Variants in IKZF1 observed in about 807,000 individuals in gnomAD.
IKZF1 encodes DNA-binding protein Ikaros.
Under a neutral mutation model 51.7 loss-of-function variants are expected in IKZF1, and 10 were observed. The ratio of observed to expected loss-of-function variants is 0.19; its 90% confidence interval spans 0.12 to 0.33. IKZF1 has a LOEUF of 0.33. IKZF1 is among the 10% of genes least tolerant of loss of function. The pLI is 1.00. For synonymous variants in IKZF1, 280 were observed against 282.3 expected, an observed-to-expected ratio of 0.99 and a Z score of 0.08; for missense variants, 484 against 707.5, an observed-to-expected ratio of 0.68 and a Z score of 3.58.
chr7:50,345,902 G>A lies in IKZF1; in HGVS notation c.160+18145G>A, dbSNP rs140741883. ...AAAATGCAAAAAAATTTAGGGCCGG[G>A]TGCAGTGGCAGTTCTGCCTGGTTTG... On this transcript the variant is annotated intron_variant, in intron 3 of 7. Coordinates refer to ENST00000331340, the MANE Select transcript of IKZF1 (RefSeq NM_006060.6). Among the ~76,000 whole-genome samples the A allele has an allele frequency of 2.0e-3, 307 of 152,272 alleles. 1 individual carries two copies. Among genetic ancestry groups the A allele is most frequent in the African/African-American group, 6.5e-3 (269 of 41,532 alleles).
At position 50,400,705 on chromosome 7, in the gene IKZF1, A is replaced by G; in HGVS notation, c.*78A>G. The G allele has an allele frequency of 2.7e-6, 4 of 1,485,112 alleles. No homozygotes were observed. Among genetic ancestry groups the G allele is most frequent in the Non-Finnish European group, 3.6e-6 (4 of 1,103,788 alleles). 92.0% of individuals were successfully genotyped at this position (1,485,112 alleles called of 1,614,324 possible). ...GGACTGCCGCCTTCTCGCTCCCGCCAGCAGCATAGACTGGACTGGACCAGA... is the reference window on the plus strand; with the variant it reads ...GGACTGCCGCCTTCTCGCTCCCGCCGGCAGCATAGACTGGACTGGACCAGA... On this transcript the variant is annotated 3_prime_UTR_variant, in exon 8 of 8. Transcript: ENST00000331340. This position sits in a 1 kb window ranked among gnomAD's most constrained non-coding sequence, Gnocchi z 5.4.
chr7:50,312,447 G>A (rs973793739), intron 1 of IKZF1, among the ~76,000 whole-genome samples: 2 of 152,172 alleles, frequency 1.3e-5, no homozygotes, highest in Non-Finnish European at 2.9e-5. Context: ...TTGAACTCCA[G>A]CCCTGGGCTT....
intron 3 of IKZF1, among the ~76,000 whole-genome samples, chr7:50,352,942 CTT>C (rs1382556048): frequency 3.3e-5 from 5 of 152,214 alleles, no homozygotes; most frequent in African/African-American, 9.7e-5. Context: ...ATTTTCCTCT[CTT>C]ACATATTTTA....
chr7:50,336,861 G>A (rs1446109529), intron 3 of IKZF1, among the ~76,000 whole-genome samples: 6 of 152,202 alleles, frequency 3.9e-5, no homozygotes, highest in African/African-American at 1.2e-4. Flanking sequence ...GACACTATCA[G>A]CTCAGGAGGG....
intron 1 of IKZF1, among the ~76,000 whole-genome samples, chr7:50,310,520 G>T (rs1789908996): frequency 6.6e-6 from 1 of 152,134 alleles, no homozygotes; most frequent in Non-Finnish European, 1.5e-5. Context: ...CCCTCCCCCT[G>T]GGTTTGCATG....
At chr7:50,339,615 G>A (rs927142347) in intron 3 of IKZF1, among the ~76,000 whole-genome samples, 6 of 152,066 alleles carry the variant, frequency 3.9e-5, no homozygotes, top group Non-Finnish European at 5.9e-5. Context: ...TTAGCTGGGT[G>A]TGGTGGCGTG....
intron 3 of IKZF1, among the ~76,000 whole-genome samples, chr7:50,354,014 C>A (rs1802578024): frequency 6.6e-6 from 1 of 152,168 alleles, no homozygotes; most frequent in Non-Finnish European, 1.5e-5. Context: ...GAATTCCCCC[C>A]ATAGCATCAT....
intron 3 of IKZF1, among the ~76,000 whole-genome samples, chr7:50,332,656 G>T (rs1442031532): frequency 2.6e-5 from 4 of 152,196 alleles, no homozygotes; most frequent in African/African-American, 9.7e-5. Context: ...CATGATTGAT[G>T]TAAGTGGAGA....
chr7:50,376,276 A>G lies in IKZF1; in HGVS notation c.161-257A>G, dbSNP rs536414696. ...AAATACCTTTCTAGTGCATTTTCAGATAATCGCCACTGGGCCTATGGATGG... is the reference window on the plus strand; with the variant it reads ...AAATACCTTTCTAGTGCATTTTCAGGTAATCGCCACTGGGCCTATGGATGG... On this transcript the variant is annotated intron_variant, in intron 3 of 7. Coordinates refer to ENST00000331340, the MANE Select transcript of IKZF1 (RefSeq NM_006060.6). This position sits in a 1 kb window ranked among gnomAD's most constrained non-coding sequence, Gnocchi z 4.5. Among the ~76,000 whole-genome samples the G allele has an allele frequency of 2.0e-5, 3 of 152,296 alleles. No individual in the cohort carries two copies. The South Asian group carries it at 6.2e-4, about 32-fold the overall frequency.
chr7:50,312,534 C>T (rs1466251238), intron 1 of IKZF1, among the ~76,000 whole-genome samples: 3 of 152,216 alleles, frequency 2.0e-5, no homozygotes, highest in African/African-American at 4.8e-5. Flanking sequence ...TTTTTGAATA[C>T]AGTATCTGCC....
chr7:50,322,796 G>A (rs1250523386), intron 2 of IKZF1, among the ~76,000 whole-genome samples: 4 of 152,124 alleles, frequency 2.6e-5, no homozygotes, highest in Non-Finnish European at 5.9e-5. Flanking sequence ...CCCACGATGG[G>A]ACCTGAGACA....
At chr7:50,356,284 A>C (rs1428648632) in intron 3 of IKZF1, among the ~76,000 whole-genome samples, 2 of 152,226 alleles carry the variant, frequency 1.3e-5, no homozygotes, top group Non-Finnish European at 2.9e-5. Context: ...ACTATCAGGA[A>C]CTTCTGGATC....
chr7:50,359,632 GCACATGTACATA>G (rs2153445056), intron 3 of IKZF1, among the ~76,000 whole-genome samples: 1 of 152,334 alleles, frequency 6.6e-6, no homozygotes, highest in South Asian at 2.1e-4. Flanking sequence ...TGTGTCATTT[GCACATGTACATA>G]CACATGTACA....
intron 1 of IKZF1, among the ~76,000 whole-genome samples, chr7:50,317,786 ATATAT>A (rs754515805): frequency 1.1e-4 from 17 of 152,302 alleles, no homozygotes; most frequent in African/African-American, 3.1e-4. Flanking sequence ...GGAGTGATAG[ATATAT>A]TATATATAAC....
At chr7:50,329,590 A>G (rs1165045155) in intron 3 of IKZF1, among the ~76,000 whole-genome samples, 1 of 152,244 alleles carries the variant, frequency 6.6e-6, no homozygotes, top group South Asian at 2.1e-4. Flanking sequence ...ATATGATAAA[A>G]GTTTGCAAAA....
At chr7:50,353,313 G>A (rs1167196269) in intron 3 of IKZF1, among the ~76,000 whole-genome samples, 4 of 152,192 alleles carry the variant, frequency 2.6e-5, no homozygotes, top group Admixed American at 2.6e-4. Flanking sequence ...AGTTCTGCCA[G>A]CCACACTCTT....
At chr7:50,373,980 C>A (rs933945232) in intron 3 of IKZF1, among the ~76,000 whole-genome samples, 1 of 152,192 alleles carries the variant, frequency 6.6e-6, no homozygotes, top group Non-Finnish European at 1.5e-5. Flanking sequence ...AAGGGGAGAG[C>A]ATTTGAAGAA....
intron 3 of IKZF1, among the ~76,000 whole-genome samples, chr7:50,334,242 G>C (rs940529550): frequency 6.6e-6 from 1 of 152,170 alleles, no homozygotes; most frequent in African/African-American, 2.4e-5. Flanking sequence ...ACTAGGTTTT[G>C]GAATAGACCG....
intron 3 of IKZF1, among the ~76,000 whole-genome samples, chr7:50,342,197 G>T (rs1355572260): frequency 6.6e-6 from 1 of 152,150 alleles, no homozygotes; most frequent in African/African-American, 2.4e-5. Context: ...CATCAATTGG[G>T]TTTATTTTAT....
Sources: gnomAD v4.1 joint callset for allele counts (sites outside exome capture counted in the v4.1 genomes callset) on GRCh38, gnomAD v4.1.1 for gene constraint, Gnocchi (gnomAD v3.1) non-coding constraint, MANE v1.5 for transcripts, NCBI Gene and HGNC (gene_info 2026-07-23, HGNC 2026-07-21) for gene names.